Variants in ACOXL observed in about 807,000 individuals in gnomAD.
The protein encoded by ACOXL is acyl-CoA oxidase like.
ACOXL carries 70 observed loss-of-function variants against 71.9 expected under a neutral mutation model. The observed-to-expected ratio is 0.97, with a 90% CI of 0.80 to 1.19. ACOXL has a LOEUF of 1.19. Among genes scored for constraint, ACOXL ranks in the 50% most tolerant of loss-of-function variants. The probability of loss-of-function intolerance (pLI) is 0.00; values close to 1 mark genes in which losing one functional copy is unlikely to be tolerated. For synonymous variants in ACOXL, 253 were observed against 281.6 expected, an observed-to-expected ratio of 0.90 and a Z score of 1.02; for missense variants, 703 against 736.3, an observed-to-expected ratio of 0.95 and a Z score of 0.52.
At chr2:110,768,783 A>G (rs942744298) in intron 2 of ACOXL, among the ~76,000 whole-genome samples, 1 of 152,090 alleles carries the variant, frequency 6.6e-6, no homozygotes, top group Non-Finnish European at 1.5e-5. Flanking sequence ...GCTCTCACTT[A>G]TAAGTAAGAA....
At chr2:110,758,731 T>A (rs1404633020) in intron 1 of ACOXL, among the ~76,000 whole-genome samples, 1 of 152,202 alleles carries the variant, frequency 6.6e-6, no homozygotes, top group Non-Finnish European at 1.5e-5. Flanking sequence ...TGGGAGTTTA[T>A]TGCTCTTGGT....
intron 12 of ACOXL, among the ~76,000 whole-genome samples, chr2:110,959,481 C>A (rs1179159557): frequency 6.6e-6 from 1 of 152,174 alleles, no homozygotes. Context: ...ACTTCCTCCC[C>A]CTGAAAACAG....
intron 16 of ACOXL, among the ~76,000 whole-genome samples, chr2:111,064,238 C>T (rs955175165): frequency 6.6e-6 from 1 of 152,032 alleles, no homozygotes; most frequent in Non-Finnish European, 1.5e-5. Flanking sequence ...AGATCGAGAC[C>T]ATCCTGGCTA....
At chr2:111,084,102 G>A (rs2068074491) in intron 16 of ACOXL, among the ~76,000 whole-genome samples, 1 of 152,080 alleles carries the variant, frequency 6.6e-6, no homozygotes, top group South Asian at 2.1e-4. Context: ...CAAGGGGGAA[G>A]GATCGCTTGA....
chr2:111,045,209 C>T (rs2065957220), intron 15 of ACOXL, among the ~76,000 whole-genome samples: 1 of 152,164 alleles, frequency 6.6e-6, no homozygotes. Flanking sequence ...ATCTTATTTT[C>T]ATTAGGCAGT....
chr2:110,758,454 T>C (rs1331231821), intron 1 of ACOXL, among the ~76,000 whole-genome samples: 1 of 152,214 alleles, frequency 6.6e-6, no homozygotes, highest in Non-Finnish European at 1.5e-5. Flanking sequence ...TTAATGTGAA[T>C]AGCATTGAAT....
At chr2:110,953,333 T>C (rs1224691681) in intron 12 of ACOXL, among the ~76,000 whole-genome samples, 2 of 101,944 alleles carry the variant, frequency 2.0e-5, no homozygotes, top group African/African-American at 4.3e-5. Context: ...CTTTTATACA[T>C]ATATATATAT....
rs942989856 is a variant in ACOXL, at chr2:110,953,767, C to G, written c.1059+20125C>G. Among the ~76,000 whole-genome samples the G allele has an allele frequency of 2.0e-4, 31 of 152,146 alleles. 1 individual carries two copies. Among genetic ancestry groups the G allele is most frequent in the Non-Finnish European group, 1.0e-4 (7 of 68,028 alleles). ...TGGGTGGGTGTCCTCAGGAAACTTA[C>G]AATCATGGCAGAAGGTGAAGGGGAA... On this transcript the variant is annotated intron_variant, in intron 12 of 17. Coordinates refer to ENST00000439055, the MANE Select transcript of ACOXL (RefSeq NM_001142807.4).
At chr2:110,986,590 A>G (rs1408943938) in intron 12 of ACOXL, among the ~76,000 whole-genome samples, 3 of 152,240 alleles carry the variant, frequency 2.0e-5, no homozygotes, top group Non-Finnish European at 2.9e-5. Flanking sequence ...AGCCATGGAC[A>G]TCTTCTTTGA....
At chr2:111,060,947 T>TA (rs1021005733) in intron 16 of ACOXL, among the ~76,000 whole-genome samples, 6 of 152,162 alleles carry the variant, frequency 3.9e-5, no homozygotes, top group Admixed American at 3.3e-4. Context: ...AACTGGAAGA[T>TA]ACAATAGAAA....
intron 2 of ACOXL, among the ~76,000 whole-genome samples, chr2:110,770,742 G>C (rs1341003155): frequency 1.3e-5 from 2 of 152,210 alleles, no homozygotes; most frequent in African/African-American, 4.8e-5. Context: ...CTCCAAGTGC[G>C]TTCGGCATGG....
At chr2:110,802,626 A>G (rs1223565245) in intron 8 of ACOXL, among the ~76,000 whole-genome samples, 2 of 152,224 alleles carry the variant, frequency 1.3e-5, no homozygotes, top group South Asian at 2.1e-4. Flanking sequence ...AAGTTTACCT[A>G]TGTAACAAAC....
rs139516982 is a variant in ACOXL, at chr2:110,906,745, C to A, written c.789-2044C>A. Among the ~76,000 whole-genome samples the A allele has an allele frequency of 5.4e-3, 827 of 152,292 alleles. 5 individuals carry two copies. The highest frequency in any genetic ancestry group is 0.019 in the African/African-American group (786 of 41,570). On this transcript the variant is annotated intron_variant, in intron 10 of 17. Transcript: ENST00000439055. ...GGGGCCATGCCCAAGGCTCTCTCTGCACGTGCCGCCTTTTCTGGGTTTTCT... is the reference window on the plus strand; with the variant it reads ...GGGGCCATGCCCAAGGCTCTCTCTGAACGTGCCGCCTTTTCTGGGTTTTCT...
At chr2:110,973,921 A>C (rs1026894604) in intron 12 of ACOXL, among the ~76,000 whole-genome samples, 4 of 152,160 alleles carry the variant, frequency 2.6e-5, no homozygotes, top group Non-Finnish European at 4.4e-5. Flanking sequence ...GAGACCCCTG[A>C]ATACATAGCT....
At chr2:110,966,447 A>G (rs2061933655) in intron 12 of ACOXL, among the ~76,000 whole-genome samples, 1 of 152,082 alleles carries the variant, frequency 6.6e-6, no homozygotes, top group African/African-American at 2.4e-5. Context: ...TGTTCTCCCC[A>G]CCCTTGGTGT....
chr2:110,936,601 T>C (rs1392202399), intron 12 of ACOXL, among the ~76,000 whole-genome samples: 3 of 152,132 alleles, frequency 2.0e-5, no homozygotes, highest in African/African-American at 7.2e-5. Context: ...AATCAGGAGT[T>C]CCCATGACCC....
intron 14 of ACOXL, among the ~76,000 whole-genome samples, chr2:111,011,116 C>A (rs2064129557): frequency 6.6e-6 from 1 of 151,908 alleles, no homozygotes; most frequent in South Asian, 2.1e-4. Context: ...GGGTTTATGG[C>A]ATATATAAAA....
intron 1 of ACOXL, among the ~76,000 whole-genome samples, chr2:110,733,672 T>G (rs991656560): frequency 6.6e-6 from 1 of 152,176 alleles, no homozygotes; most frequent in Non-Finnish European, 1.5e-5. Context: ...CGTCAGGCTG[T>G]CCTTGGAGAA....
chr2:111,108,263 AT>A (rs2069684042), intron 17 of ACOXL, among the ~76,000 whole-genome samples: 1 of 151,672 alleles, frequency 6.6e-6, no homozygotes, highest in African/African-American at 2.4e-5. Context: ...GACAAAAGAG[AT>A]AAGTTGGCAA....
Sources: gnomAD v4.1 joint callset for allele counts (sites outside exome capture counted in the v4.1 genomes callset) on GRCh38, gnomAD v4.1.1 for gene constraint, MANE v1.5 for transcripts, NCBI Gene and HGNC (gene_info 2026-07-23, HGNC 2026-07-21) for gene names.